Variants in SGCZ observed in about 807,000 individuals in gnomAD.
The protein encoded by SGCZ is sarcoglycan zeta, also known as zeta-sarcoglycan.
In SGCZ, 40 loss-of-function variants were observed where a neutral mutation model predicts 41.3. The ratio of observed to expected loss-of-function variants is 0.97; its 90% confidence interval spans 0.75 to 1.26. The LOEUF is 1.26. SGCZ is among the 50% of genes most tolerant of loss of function. The pLI is 0.00. For missense variants in SGCZ, 552 were observed against 369.8 expected (o/e 1.49, Z -4.04); for synonymous variants, 206 against 137.5 (o/e 1.50, Z -3.49).
At chr8:15,229,525 C>T (rs1304912409) in intron 1 of SGCZ, among the ~76,000 whole-genome samples, 2 of 152,144 alleles carry the variant, frequency 1.3e-5, no homozygotes, top group African/African-American at 4.8e-5. Context: ...AAATCAGTTG[C>T]TTAGGAGTAC....
At chr8:14,628,752 C>A (rs908630114) in intron 1 of SGCZ, among the ~76,000 whole-genome samples, 1 of 152,190 alleles carries the variant, frequency 6.6e-6, no homozygotes, top group South Asian at 2.1e-4. Flanking sequence ...TTGAAAATGT[C>A]TGCTTTCACA....
intron 1 of SGCZ, among the ~76,000 whole-genome samples, chr8:14,651,691 A>T (rs1484847936): frequency 1.3e-5 from 2 of 152,018 alleles, no homozygotes; most frequent in Non-Finnish European, 1.5e-5. Context: ...TCTTCTTGAG[A>T]CTTAAAATTA....
intron 1 of SGCZ, among the ~76,000 whole-genome samples, chr8:14,645,255 T>A (rs1427173749): frequency 1.4e-5 from 2 of 145,338 alleles, no homozygotes; most frequent in Non-Finnish European, 3.0e-5. Flanking sequence ...CTTCTTCAAT[T>A]TTTTGATGAA....
intron 2 of SGCZ, among the ~76,000 whole-genome samples, chr8:14,355,904 TGTTC>T (rs1489556962): frequency 3.3e-5 from 5 of 152,200 alleles, no homozygotes; most frequent in Admixed American, 6.5e-5. Context: ...TGTATATTGA[TGTTC>T]CTCCACTTAC....
chr8:14,356,299 G>A (rs1803290895), intron 2 of SGCZ, among the ~76,000 whole-genome samples: 1 of 152,180 alleles, frequency 6.6e-6, no homozygotes, highest in African/African-American at 2.4e-5. Flanking sequence ...CGTAAGTTAA[G>A]AGCCTCTGTG....
At chr8:14,246,778 C>T (rs1364279410) in intron 3 of SGCZ, among the ~76,000 whole-genome samples, 8 of 150,666 alleles carry the variant, frequency 5.3e-5, no homozygotes, top group African/African-American at 7.3e-5. Context: ...GTCATAGTGG[C>T]GGGCGCCTGT....
At chr8:14,512,811 A>G (rs944968363) in intron 2 of SGCZ, among the ~76,000 whole-genome samples, 2 of 151,986 alleles carry the variant, frequency 1.3e-5, no homozygotes, top group African/African-American at 4.8e-5. Flanking sequence ...TAAGAACCTG[A>G]AGGAACTTTA....
At chr8:14,923,543 C>A (rs1036379665) in intron 1 of SGCZ, among the ~76,000 whole-genome samples, 1 of 152,204 alleles carries the variant, frequency 6.6e-6, no homozygotes, top group South Asian at 2.1e-4. Flanking sequence ...CACATATATT[C>A]ATGGTGTCCC....
intron 2 of SGCZ, among the ~76,000 whole-genome samples, chr8:14,495,149 A>G (rs1801953746): frequency 6.6e-6 from 1 of 152,204 alleles, no homozygotes; most frequent in Admixed American, 6.5e-5. Flanking sequence ...AGAGTTTATC[A>G]AAAAGAAGAT....
At chr8:14,863,711 G>A (rs1464296887) in intron 1 of SGCZ, among the ~76,000 whole-genome samples, 1 of 152,130 alleles carries the variant, frequency 6.6e-6, no homozygotes, top group East Asian at 1.9e-4. Flanking sequence ...TTAAACTGCT[G>A]CTGCTGATAA....
chr8:14,520,250 G>C (rs1450348453), intron 2 of SGCZ, among the ~76,000 whole-genome samples: 5 of 152,172 alleles, frequency 3.3e-5, no homozygotes, highest in African/African-American at 1.2e-4. Flanking sequence ...CTGGGGAAAG[G>C]ATATGCTGAA....
intron 2 of SGCZ, among the ~76,000 whole-genome samples, chr8:14,417,785 G>A (rs1585482038): frequency 8.4e-6 from 1 of 119,554 alleles, no homozygotes; most frequent in African/African-American, 2.7e-5. Context: ...TTTGATTATG[G>A]TAATCATTTC....
intron 4 of SGCZ, among the ~76,000 whole-genome samples, chr8:14,173,108 T>C (rs1804437198): frequency 6.6e-6 from 1 of 152,090 alleles, no homozygotes; most frequent in Admixed American, 6.6e-5. Context: ...CTAGAAAGTC[T>C]AAAATCATAC....
chr8:15,127,077 T>G (rs1179539499), intron 1 of SGCZ, among the ~76,000 whole-genome samples: 1 of 152,228 alleles, frequency 6.6e-6, no homozygotes, highest in African/African-American at 2.4e-5. Context: ...CACTTCACTT[T>G]AAGATTTAGG....
chr8:15,146,999 G>A (rs562323520), intron 1 of SGCZ, among the ~76,000 whole-genome samples: 3 of 152,214 alleles, frequency 2.0e-5, no homozygotes, highest in Admixed American at 6.5e-5. Flanking sequence ...ACTATTGAAG[G>A]GCTGAAAACT....
intron 1 of SGCZ, among the ~76,000 whole-genome samples, chr8:14,724,252 G>A (rs1809981321): frequency 6.6e-6 from 1 of 151,952 alleles, no homozygotes; most frequent in African/African-American, 2.4e-5. Context: ...TAAAGAGAAA[G>A]CAAGGTGGAA....
At chr8:14,439,911 T>C (rs569809452) in intron 2 of SGCZ, among the ~76,000 whole-genome samples, 56 of 152,128 alleles carry the variant, frequency 3.7e-4, no homozygotes, top group African/African-American at 1.3e-3. Flanking sequence ...CAATCCATTA[T>C]ATTGGTAACT....
At chr8:14,906,167 T>C (rs944904624) in intron 1 of SGCZ, among the ~76,000 whole-genome samples, 4 of 152,142 alleles carry the variant, frequency 2.6e-5, no homozygotes, top group Admixed American at 6.5e-5. Flanking sequence ...ATTAACTCTC[T>C]AGGACACATA....
chr8:14,255,286 G>C (rs553021592), intron 3 of SGCZ, among the ~76,000 whole-genome samples: 2 of 152,098 alleles, frequency 1.3e-5, no homozygotes, highest in Non-Finnish European at 2.9e-5. Flanking sequence ...TGAACTCTTA[G>C]GTTGTTGATC....
Sources: gnomAD v4.1 joint callset for allele counts (sites outside exome capture counted in the v4.1 genomes callset) on GRCh38, gnomAD v4.1.1 for gene constraint, MANE v1.5 for transcripts, NCBI Gene and HGNC (gene_info 2026-07-23, HGNC 2026-07-21) for gene names.